The following DAB1 variants were observed in gnomAD, a reference collection of about 807,000 sequenced individuals.
DAB1 encodes the protein DAB adaptor protein 1.
Under a neutral mutation model 64.6 loss-of-function variants are expected in DAB1, and 15 were observed. That is an observed-to-expected ratio of 0.23 (90% CI 0.16 to 0.36). The LOEUF is 0.36. Among genes scored for constraint, DAB1 ranks in the 10% least tolerant of loss-of-function variants. DAB1 has a pLI of 1.00. For synonymous variants in DAB1, 235 were observed against 251.9 expected, an observed-to-expected ratio of 0.93 and a Z score of 0.64; for missense variants, 596 against 706.7, an observed-to-expected ratio of 0.84 and a Z score of 1.78.
At chr1:57,516,897 T>A (rs1365628805) in intron 7 of DAB1, among the ~76,000 whole-genome samples, 3 of 152,212 alleles carry the variant, frequency 2.0e-5, no homozygotes, top group Admixed American at 2.0e-4. Context: ...CAAGAATGAT[T>A]TATCAAGAAC....
chr1:58,468,708 A>G (rs1439275364), intron 3 of DAB1: 1 of 152,344 alleles, frequency 6.6e-6, no homozygotes, highest in Admixed American at 6.5e-5. Flanking sequence ...AGCTGTGACT[A>G]CAGTGCAGTT....
chr1:57,980,261 GGACTCTAAGCTCT>G (rs899748866), intron 5 of DAB1, among the ~76,000 whole-genome samples: 9 of 134,192 alleles, frequency 6.7e-5, no homozygotes, highest in African/African-American at 2.5e-4. Context: ...AATCAGCCAT[GGACTCTAAGCTCT>G]GACTCGAGTC....
At chr1:57,519,880 A>G (rs1413874054) in intron 7 of DAB1, among the ~76,000 whole-genome samples, 1 of 152,248 alleles carries the variant, frequency 6.6e-6, no homozygotes, top group Non-Finnish European at 1.5e-5. Context: ...TATGCTCATT[A>G]TAGAAAACTG....
chr1:57,823,808 G>T (rs1012170691), downstream of DAB1, among the ~76,000 whole-genome samples: 7 of 152,108 alleles, frequency 4.6e-5, no homozygotes, highest in African/African-American at 1.7e-4. Flanking sequence ...CACTGAGACA[G>T]GGACTGCTAA....
intron 3 of DAB1, among the ~76,000 whole-genome samples, chr1:58,498,044 CT>C (rs974046579): frequency 6.6e-6 from 1 of 152,072 alleles, no homozygotes; most frequent in Admixed American, 6.6e-5. Context: ...TTCTCCTCCC[CT>C]ATAAGGCCCT....
chr1:57,737,059 C>T (rs1424686039), intron 6 of DAB1, among the ~76,000 whole-genome samples: 2 of 152,178 alleles, frequency 1.3e-5, no homozygotes, highest in Non-Finnish European at 2.9e-5. Context: ...GATAGAGCTG[C>T]AGCTGCAGCT....
chr1:58,129,293 C>T (rs974472290), intron 5 of DAB1, among the ~76,000 whole-genome samples: 8 of 151,240 alleles, frequency 5.3e-5, no homozygotes, highest in East Asian at 2.0e-4. Flanking sequence ...TCTGTGGGAT[C>T]GGTGGTGATA....
intron 3 of DAB1, among the ~76,000 whole-genome samples, chr1:57,136,883 A>G (rs559325252): frequency 6.6e-6 from 1 of 152,258 alleles, no homozygotes; most frequent in East Asian, 1.9e-4. Flanking sequence ...TCACTTAACT[A>G]ATCAAAATTT....
chr1:58,308,210 T>C (rs1379336272), intron 4 of DAB1, among the ~76,000 whole-genome samples: 2 of 152,098 alleles, frequency 1.3e-5, no homozygotes, highest in African/African-American at 4.8e-5. Flanking sequence ...GGCCTTCACA[T>C]GTTTGGAGAT....
In DAB1 at chr1:58,401,926, C is replaced by T. The variant is rs942222382; in HGVS notation, n.258-58523G>A. ...ACATGTTGTGTGGACATATAAGGTG[C>T]TCCATATTTGCTGAATTCCCTTATT... is the stretch of plus-strand genomic sequence containing the variant. On this transcript the variant is annotated intron_variant and non_coding_transcript_variant, in intron 3 of 20. Transcript: ENST00000485760. Among the ~76,000 whole-genome samples the T allele has an allele frequency of 6.6e-5, 10 of 152,262 alleles. No individual in the cohort carries two copies. The East Asian group carries it at 1.9e-3, about 29-fold the overall frequency.
intron 2 of DAB1, among the ~76,000 whole-genome samples, chr1:57,179,924 T>C (rs1246561669): frequency 6.6e-6 from 1 of 152,184 alleles, no homozygotes; most frequent in Admixed American, 6.5e-5. Flanking sequence ...AAACTAGTTC[T>C]GGTGTTTGGA....
At chr1:57,878,091 C>T (rs1448512718) in intron 1 of DAB1, among the ~76,000 whole-genome samples, 2 of 152,018 alleles carry the variant, frequency 1.3e-5, no homozygotes, top group African/African-American at 4.8e-5. Flanking sequence ...AGCTCTGAAG[C>T]CTATCTTTAT....
intron 2 of DAB1, among the ~76,000 whole-genome samples, chr1:58,520,603 A>G (rs1423298010): frequency 6.6e-6 from 1 of 152,198 alleles, no homozygotes; most frequent in Non-Finnish European, 1.5e-5. Flanking sequence ...AGAACACAGG[A>G]GGTTTGAAAA....
chr1:57,885,905 A>G (rs1411324137), upstream of DAB1, among the ~76,000 whole-genome samples: 1 of 152,184 alleles, frequency 6.6e-6, no homozygotes, highest in African/African-American at 2.4e-5. Flanking sequence ...TATAAACAGT[A>G]CCAGTCACTC....
At chr1:57,045,426 G>T (rs1314882919) in intron 9 of DAB1, among the ~76,000 whole-genome samples, 2 of 152,164 alleles carry the variant, frequency 1.3e-5, no homozygotes, top group Non-Finnish European at 1.5e-5. Context: ...GGCTGGGTGT[G>T]GTGGCTCATG....
At chr1:58,419,189 A>G (rs1381245613) in intron 3 of DAB1, among the ~76,000 whole-genome samples, 1 of 152,008 alleles carries the variant, frequency 6.6e-6, no homozygotes, top group African/African-American at 2.4e-5. Flanking sequence ...ATCTCCTCCA[A>G]CCTCCCCATG....
intron 7 of DAB1, among the ~76,000 whole-genome samples, chr1:57,595,683 T>C (rs1316212062): frequency 7.2e-6 from 1 of 139,706 alleles, no homozygotes; most frequent in Non-Finnish European, 1.6e-5. Flanking sequence ...GGAGGTGGGG[T>C]CTGGTGAGAG....
intron 3 of DAB1, among the ~76,000 whole-genome samples, chr1:58,457,995 C>G (rs1251145868): frequency 1.3e-5 from 2 of 152,166 alleles, no homozygotes; most frequent in Non-Finnish European, 2.9e-5. Context: ...CAATTAGTTA[C>G]AAGTAACTCA....
At chr1:57,353,892 G>A (rs950593331) in intron 1 of DAB1, among the ~76,000 whole-genome samples, 19 of 152,090 alleles carry the variant, frequency 1.2e-4, no homozygotes, top group South Asian at 6.2e-4. Flanking sequence ...GAAGGCAGCC[G>A]GATGTTATCT....
Sources: gnomAD v4.1 joint callset for allele counts (sites outside exome capture counted in the v4.1 genomes callset) on GRCh38, gnomAD v4.1.1 for gene constraint, MANE v1.5 for transcripts, NCBI Gene and HGNC (gene_info 2026-07-23, HGNC 2026-07-21) for gene names.